The following AMDHD2 variants were observed in gnomAD, a reference collection of about 807,000 sequenced individuals.
AMDHD2 encodes N-acetylglucosamine-6-phosphate deacetylase.
In AMDHD2, 24 loss-of-function variants were observed where a neutral mutation model predicts 41.8. The observed-to-expected ratio is 0.57, with a 90% confidence interval of 0.42 to 0.81. AMDHD2 has a LOEUF of 0.81. Ranked by LOEUF, AMDHD2 falls within the 30% of genes least tolerant of loss-of-function variation. AMDHD2 has a pLI of 0.00. For missense variants in AMDHD2, 540 were observed against 588.5 expected (o/e 0.92, Z 0.85); for synonymous variants, 332 against 255.5 (o/e 1.30, Z -2.85).
In AMDHD2 at chr16:2,529,102, G is replaced by A; in HGVS notation, c.1141+7G>A. 6.4e-7 allele frequency: 1 copy of A among 1,557,446 alleles called. No homozygotes were observed. The highest frequency in any genetic ancestry group is 8.7e-7 in the Non-Finnish European group (1 of 1,152,624). On this transcript the variant is annotated splice_region_variant and intron_variant, in intron 10 of 10. Transcript: ENST00000293971. ...GACTTTGGTGCTGACGCAGGTGAGG[G>A]CCTGTCGCAGGGTCACCGGGCAGCC...
intron 3 of AMDHD2, among the ~76,000 whole-genome samples, chr16:2,521,766 T>TG (rs58156910): frequency 0.064 from 9,520 of 148,242 alleles, 1,031 homozygotes; most frequent in African/African-American, 0.22. Context: ...CCAACATGCT[T>TG]TTTTTTTTTG....
rs1467310280 is a variant in AMDHD2, at chr16:2,529,549, G to A, written c.1216G>A (p.Ala406Thr). ...GGGTGAGCTGGTGTGGCAGGCGGAC[G>A]CAGCTAGGCAGTGACAAGGACCTCG... ...ISGELVWQAD[A>T]ARQ The change falls in exon 11 of 11, where the codon GCA (alanine) becomes ACA (threonine). Residue 406 changes from alanine to threonine, a missense_variant. By Grantham distance (58) the Ala-to-Thr change is moderately conservative. Transcript: ENST00000293971. 5.0e-6 allele frequency: 8 copies of A among 1,607,690 alleles called. No homozygotes were observed. In the African/African-American group the frequency reaches 6.7e-5, roughly 13 times the overall value.
chr16:2,522,707 A>G (rs1008709046), intron 3 of AMDHD2, among the ~76,000 whole-genome samples: 1 of 151,746 alleles, frequency 6.6e-6, no homozygotes, highest in Non-Finnish European at 1.5e-5. Flanking sequence ...AGAGACAGGG[A>G]TCTCATTATG....
intron 3 of AMDHD2, among the ~76,000 whole-genome samples, chr16:2,523,748 C>T (rs967930280): frequency 6.6e-6 from 1 of 152,214 alleles, no homozygotes; most frequent in Non-Finnish European, 1.5e-5. Flanking sequence ...TTCAGCACAT[C>T]ACCTCTGCCC....
intron 10 of AMDHD2, 147 bp from the exon 11 acceptor site, chr16:2,529,328 G>T (rs2066053367): frequency 7.6e-7 from 1 of 1,312,742 alleles, no homozygotes; most frequent in Non-Finnish European, 1.1e-6. Context: ...CAGTACCTCT[G>T]TCCATCTGTG....
rs924783241 is a variant in AMDHD2, at chr16:2,530,826, A to G, written c.*1263A>G. Reference sequence around the variant, plus strand: ...ACAAGCCCCAGGGGCAGCCCAGGAAAGCAGGCGACGGATGTGGATCCTGAC... The same window carrying G: ...ACAAGCCCCAGGGGCAGCCCAGGAAGGCAGGCGACGGATGTGGATCCTGAC... On this transcript the variant is annotated 3_prime_UTR_variant, in exon 11 of 11. Coordinates refer to ENST00000293971, the MANE Select transcript of AMDHD2 (RefSeq NM_001330449.2). 6 of 1,613,678 alleles carry G rather than the reference A, an allele frequency of 3.7e-6. No homozygotes were observed. The African/African-American group carries it at 6.7e-5, about 18-fold the overall frequency.
At chr16:2,520,734 C>A (rs894412980) in intron 1 of AMDHD2, 35 bp from the exon 2 acceptor site, 1 of 1,510,146 alleles carries the variant, frequency 6.6e-7, no homozygotes, top group African/African-American at 1.4e-5. Context: ...CGAGGTCAGG[C>A]CCGCGATGCG....
chr16:2,529,116 C>G, intron 10 of AMDHD2, 21 bp downstream of exon 10: 1 of 1,524,752 alleles, frequency 6.6e-7, no homozygotes, highest in Non-Finnish European at 8.8e-7. Flanking sequence ...GTCGCAGGGT[C>G]ACCGGGCAGC....
rs751339970 is a variant in AMDHD2 at position 2,530,487 on chromosome 16, G to A, written c.*924G>A. ...GAGGACAGCCACAGTGGGGTCAGAC[G>A]TCAGGGATTGGTGCAGCCCCACGTC... On this transcript the variant is annotated 3_prime_UTR_variant, in exon 11 of 11. Coordinates refer to ENST00000293971, the MANE Select transcript of AMDHD2 (RefSeq NM_001330449.2). 22 of 1,614,144 alleles carry A rather than the reference G, an allele frequency of 1.4e-5. No homozygotes were observed. Among genetic ancestry groups the A allele is most frequent in the South Asian group, 3.3e-5 (3 of 91,080 alleles).
At chr16:2,522,725 G>C (rs2065957311) in intron 3 of AMDHD2, among the ~76,000 whole-genome samples, 1 of 152,112 alleles carries the variant, frequency 6.6e-6, no homozygotes, top group Admixed American at 6.5e-5. Context: ...ATGTTGATCA[G>C]GCTGGTCTCA....
In AMDHD2 at chr16:2,529,565, A is replaced by G. The variant is rs753007031; in HGVS notation, c.*2A>G. 1.6e-5 allele frequency: 26 copies of G among 1,606,746 alleles called. No individual in the cohort carries two copies. The highest frequency in any genetic ancestry group is 2.7e-5 in the African/African-American group (2 of 74,904). ...CAGGCGGACGCAGCTAGGCAGTGACAAGGACCTCGGCTGAGAGGACACCTG... is the reference window on the plus strand; with the variant it reads ...CAGGCGGACGCAGCTAGGCAGTGACGAGGACCTCGGCTGAGAGGACACCTG... On this transcript the variant is annotated 3_prime_UTR_variant, in exon 11 of 11. Transcript: ENST00000293971.
chr16:2,526,980 AGG>A (rs2066011736), intron 3 of AMDHD2: 1 of 153,676 alleles, frequency 6.5e-6, no homozygotes, highest in South Asian at 1.9e-4. Flanking sequence ...AGTTCAGGGG[AGG>A]GTACAATCCA....
At chr16:2,522,904 T>C (rs1402006836) in intron 3 of AMDHD2, among the ~76,000 whole-genome samples, 2 of 149,160 alleles carry the variant, frequency 1.3e-5, no homozygotes, top group East Asian at 2.0e-4. Context: ...AGTGCAGTGG[T>C]GCGATCTCGG....
chr16:2,527,965 G>T lies in AMDHD2; in HGVS notation c.608G>T (p.Arg203Leu), dbSNP rs771103045. 6.2e-7 allele frequency: 1 copy of T among 1,603,806 alleles called. No homozygotes were observed. The highest frequency in any genetic ancestry group is 1.7e-5 in the Admixed American group (1 of 59,858). Residue 203 changes from arginine (R) to leucine (L), a missense_variant, in exon 5 of 11, where the codon CGT becomes CTT. Transcript: ENST00000293971. This position sits in a 1 kb window ranked among gnomAD's most constrained non-coding sequence, Gnocchi z 6.1. ...SHEVIRALTARGICVSLGHSV... is the reference protein window; with the variant it reads ...SHEVIRALTALGICVSLGHSV... Reference sequence around the variant, plus strand: ...GAAGTGATCCGGGCGCTGACGGCCCGTGGCATCTGCGTGTCCCTAGGTGAG... The same window carrying T: ...GAAGTGATCCGGGCGCTGACGGCCCTTGGCATCTGCGTGTCCCTAGGTGAG...
At position 2,528,637 on chromosome 16, in the gene AMDHD2, C is replaced by T. The variant is rs1199818729; in HGVS notation, c.971-13C>T. 4 of 1,613,048 alleles carry T rather than the reference C, an allele frequency of 2.5e-6. No homozygotes were observed. Among genetic ancestry groups the T allele is most frequent in the Non-Finnish European group, 3.4e-6 (4 of 1,179,950 alleles). On this transcript the variant is annotated splice_polypyrimidine_tract_variant and intron_variant, in intron 8 of 10. Transcript: ENST00000293971. ...CCACGACCCCCCCAGAGCCTGCCCT[C>T]TCTGCTCTCAAGGCACCAAGACGCT...
rs199798578 is a variant in AMDHD2, at chr16:2,531,021, G to T, written c.*1458G>T. The stretch of plus-strand genomic sequence containing the variant: ...GAGGTTCTCAGCCGATGTGTTAGAG[G>T]TTGAGCATCGCCTGTGCCCAGCTTG... On this transcript the variant is annotated 3_prime_UTR_variant, in exon 11 of 11. Transcript: ENST00000293971. 6.2e-7 allele frequency: 1 copy of T among 1,605,838 alleles called. No individual in the cohort carries two copies. Among genetic ancestry groups the T allele is most frequent in the South Asian group, 1.1e-5 (1 of 90,896 alleles).
intron 3 of AMDHD2, among the ~76,000 whole-genome samples, chr16:2,525,705 C>T (rs1001903669): frequency 2.6e-5 from 4 of 152,130 alleles, no homozygotes; most frequent in South Asian, 2.1e-4. Flanking sequence ...CCACCACGCA[C>T]GGCTAATTTT....
In AMDHD2 at chr16:2,530,067, T is replaced by G; in HGVS notation, c.*504T>G. 1 of 880,588 alleles carries G rather than the reference T, an allele frequency of 1.1e-6. No individual in the cohort carries two copies. Among genetic ancestry groups the G allele is most frequent in the Non-Finnish European group, 1.7e-6 (1 of 595,880 alleles). The allele number at this position is 880,588 out of a possible 1,614,324, so 54.5% of individuals were successfully genotyped here. A position where few individuals can be genotyped will look rare whatever the true frequency, so the allele number is the denominator to read the frequency against. Reference sequence around the variant, plus strand: ...TGCTTTCTGCTCCTGAGTTGGGGTGTGCAGCGTGGAGCCCACAGCCTGGTT... The same window carrying G: ...TGCTTTCTGCTCCTGAGTTGGGGTGGGCAGCGTGGAGCCCACAGCCTGGTT... On this transcript the variant is annotated 3_prime_UTR_variant, in exon 11 of 11. Coordinates refer to ENST00000293971, the MANE Select transcript of AMDHD2 (RefSeq NM_001330449.2).
Position 2,524,390 on chromosome 16 carries a change from CA to C in AMDHD2, c.361-3170del, listed in dbSNP as rs1362226290. On this transcript the variant is annotated intron_variant, in intron 3 of 10. Coordinates refer to ENST00000293971, the MANE Select transcript of AMDHD2 (RefSeq NM_001330449.2). ...CTCCTGAGCCAAGGTGAGGCACCTCCAGGGGGCAGCCAGGCCCCTGCCTCTG... is the reference window on the plus strand; with the variant it reads ...CTCCTGAGCCAAGGTGAGGCACCTCCGGGGGCAGCCAGGCCCCTGCCTCTG... 3.9e-5 allele frequency among the ~76,000 whole-genome samples: 6 copies of C among 152,310 alleles called. No individual in the cohort carries two copies. The South Asian group carries it at 1.2e-3, about 32-fold the overall frequency.
Sources: gnomAD v4.1 joint callset for allele counts (sites outside exome capture counted in the v4.1 genomes callset) on GRCh38, gnomAD v4.1.1 for gene constraint, Gnocchi (gnomAD v3.1) non-coding constraint, MANE v1.5 for transcripts, NCBI Gene and HGNC (gene_info 2026-07-23, HGNC 2026-07-21) for gene names.